Variants in OR51B5 observed in about 807,000 individuals in gnomAD.
The protein encoded by OR51B5 is olfactory receptor family 51 subfamily B member 5.
For missense variants in OR51B5, 456 were observed against 374.6 expected (o/e 1.22, Z -1.79); for synonymous variants, 186 against 144.8 (o/e 1.28, Z -2.04).
At chr11:5,345,518 C>G (rs576528402), upstream of OR51B5, among the ~76,000 whole-genome samples, 158 of 152,132 alleles carry the variant, frequency 1.0e-3, no homozygotes, top group African/African-American at 3.5e-3. Flanking sequence ...AATGGTGAAG[C>G]CATTTACTCA....
intron 1 of OR51B5, chr11:5,453,422 G>A (rs1012708668): frequency 6.8e-5 from 80 of 1,184,844 alleles, no homozygotes; most frequent in Non-Finnish European, 9.0e-5. Context: ...CCTCCAGCAA[G>A]TGCAACTGTT....
At chr11:5,359,420 G>C (rs2133695984) in intron 1 of OR51B5, among the ~76,000 whole-genome samples, 1 of 129,456 alleles carries the variant, frequency 7.7e-6, no homozygotes, top group South Asian at 2.6e-4. Flanking sequence ...AAAATACCTA[G>C]GAATCCAACT....
chr11:5,369,532 T>G (rs1432245159), intron 1 of OR51B5, among the ~76,000 whole-genome samples: 1 of 152,132 alleles, frequency 6.6e-6, no homozygotes. Context: ...AGTTGTATTT[T>G]TAAAATTTTC....
intron 1 of OR51B5, among the ~76,000 whole-genome samples, chr11:5,443,927 TACAC>T (rs1178037140): frequency 6.6e-6 from 1 of 151,992 alleles, no homozygotes; most frequent in Non-Finnish European, 1.5e-5. Flanking sequence ...CTCTTATACT[TACAC>T]ACCCGGTATT....
chr11:5,367,333 A>C (rs1849385281), intron 1 of OR51B5, among the ~76,000 whole-genome samples: 2 of 152,178 alleles, frequency 1.3e-5, no homozygotes, highest in African/African-American at 2.4e-5. Flanking sequence ...TTAATTAAGA[A>C]AGTAAAGGAG....
chr11:5,414,713 C>G (rs929360376), intron 1 of OR51B5, among the ~76,000 whole-genome samples: 28 of 152,300 alleles, frequency 1.8e-4, no homozygotes, highest in South Asian at 2.1e-4. Flanking sequence ...GGGATCAATT[C>G]AACAAGAAGA....
At chr11:5,466,788 C>T (rs1851144390) in intron 1 of OR51B5, among the ~76,000 whole-genome samples, 1 of 152,182 alleles carries the variant, frequency 6.6e-6, no homozygotes, top group Admixed American at 6.5e-5. Context: ...CAAAGTAGCA[C>T]TTTCTTTGAG....
chr11:5,416,571 C>T (rs1329826386), intron 1 of OR51B5, among the ~76,000 whole-genome samples: 2 of 151,518 alleles, frequency 1.3e-5, no homozygotes, highest in East Asian at 3.9e-4. Context: ...TAAGCAACTT[C>T]AGCAAAATCT....
At position 5,422,693 on chromosome 11, in the gene OR51B5, C is replaced by T. The variant is rs749887851; in HGVS notation, n.85-75783G>A. On this transcript the variant is annotated intron_variant and non_coding_transcript_variant, in intron 1 of 4. Transcript: ENST00000415970. ...GGCGGTTCTTCCCTCCCTTTTCTTA[C>T]TCAAGCGACTGCCTTTCTGCCACTC... 1.2e-6 allele frequency: 2 copies of T among 1,613,942 alleles called. No homozygotes were observed. The highest frequency in any genetic ancestry group is 1.3e-5 in the African/African-American group (1 of 74,898).
chr11:5,453,311 G>A, intron 1 of OR51B5: 1 of 441,938 alleles, frequency 2.3e-6, no homozygotes, highest in Non-Finnish European at 4.0e-6. Flanking sequence ...ATGAAGAAAA[G>A]GAGTTTGCCT....
intron 1 of OR51B5, among the ~76,000 whole-genome samples, chr11:5,410,233 G>GA (rs1477869684): frequency 2.6e-5 from 4 of 152,088 alleles, no homozygotes; most frequent in African/African-American, 9.6e-5. Context: ...AACACTGACT[G>GA]AAAAAAACAA....
chr11:5,351,882 C>T (rs1849095229), intron 1 of OR51B5: 2 of 1,613,226 alleles, frequency 1.2e-6, no homozygotes, highest in Non-Finnish European at 8.5e-7. Flanking sequence ...TTACCATCCG[C>T]AGCCCCTTAA....
At chr11:5,372,231 G>A (rs1280376631) in intron 1 of OR51B5, among the ~76,000 whole-genome samples, 1 of 152,160 alleles carries the variant, frequency 6.6e-6, no homozygotes, top group African/African-American at 2.4e-5. Flanking sequence ...CAATTAACAT[G>A]AGAGTGCAGA....
In OR51B5 at chr11:5,349,282, C is replaced by CAAAAAATGAGGTGTATA. The variant is rs548330297; in HGVS notation, n.85-2389_85-2373dup. 5.2e-3 allele frequency among the ~76,000 whole-genome samples: 787 copies of CAAAAAATGAGGTGTATA among 151,986 alleles called. 5 individuals are homozygous for CAAAAAATGAGGTGTATA. Among genetic ancestry groups the CAAAAAATGAGGTGTATA allele is most frequent in the Non-Finnish European group, 8.3e-3 (566 of 67,948 alleles). ...AAACAGCTATTTTAAGGATTCTTCC[C>CAAAAAATGAGGTGTATA]AAAAAATGAGGTGTATATAATGCCC... On this transcript the variant is annotated intron_variant and non_coding_transcript_variant, in intron 1 of 4. Coordinates refer to the OR51B5 transcript ENST00000415970.
rs143743236 is a variant in OR51B5, at chr11:5,389,726, C to A, written n.85-42816G>T. ...CCATAGTATCTACTTTGGAGCGTGTCAAATCCAGATGTTCTGCATCCACTC... is the reference window on the plus strand; with the variant it reads ...CCATAGTATCTACTTTGGAGCGTGTAAAATCCAGATGTTCTGCATCCACTC... On this transcript the variant is annotated intron_variant and non_coding_transcript_variant, in intron 1 of 4. Coordinates refer to the OR51B5 transcript ENST00000415970. The A allele has an allele frequency of 1.9e-3, 3,108 of 1,613,936 alleles. 3 individuals carry two copies. The highest frequency in any genetic ancestry group is 2.4e-3 in the Non-Finnish European group (2,805 of 1,179,886).
intron 1 of OR51B5, among the ~76,000 whole-genome samples, chr11:5,372,710 C>G (rs1352980885): frequency 6.6e-6 from 1 of 152,094 alleles, no homozygotes; most frequent in Non-Finnish European, 1.5e-5. Context: ...CAAACTGTTC[C>G]TTTTGATGAT....
intron 1 of OR51B5, chr11:5,453,621 A>G (rs1247810000): frequency 1.2e-6 from 2 of 1,613,726 alleles, no homozygotes; most frequent in Non-Finnish European, 8.5e-7. Flanking sequence ...AAATACAGTG[A>G]TCCTGCAGGC....
intron 1 of OR51B5, among the ~76,000 whole-genome samples, chr11:5,445,970 C>T (rs2133780096): frequency 6.6e-6 from 1 of 152,064 alleles, no homozygotes; most frequent in Middle Eastern, 3.4e-3. Context: ...ATGGATGAAG[C>T]TGGAAACCAT....
intron 1 of OR51B5, among the ~76,000 whole-genome samples, chr11:5,383,507 C>G (rs554543179): frequency 6.6e-6 from 1 of 152,218 alleles, no homozygotes; most frequent in Admixed American, 6.5e-5. Context: ...TGGAAAACGA[C>G]GGGTCCATTA....
Sources: gnomAD v4.1 joint callset for allele counts (sites outside exome capture counted in the v4.1 genomes callset) on GRCh38, gnomAD v4.1.1 for gene constraint, MANE v1.5 for transcripts, NCBI Gene and HGNC (gene_info 2026-07-23, HGNC 2026-07-21) for gene names.